Variants in SLC26A9 observed in about 807,000 individuals in gnomAD.
The protein encoded by SLC26A9 is anion transporter/exchanger protein 9.
SLC26A9 carries 46 observed loss-of-function variants against 87.1 expected under a neutral mutation model. The ratio of observed to expected loss-of-function variants is 0.53; its 90% CI spans 0.42 to 0.67. The LOEUF is 0.67. Ranked by LOEUF, SLC26A9 falls within the 30% of genes least tolerant of loss-of-function variation. SLC26A9 has a pLI of 0.00. For synonymous variants in SLC26A9, 437 were observed against 409.1 expected, an observed-to-expected ratio of 1.07 and a Z score of -0.82; for missense variants, 927 against 1,018.3, an observed-to-expected ratio of 0.91 and a Z score of 1.22.
rs1339569233 is a variant in SLC26A9 at position 205,920,185 on chromosome 1, T to A, written c.2101A>T (p.Asn701Tyr). Residue 701 changes from asparagine to tyrosine, a missense_variant, in exon 18 of 21, where the codon AAC becomes TAC. Asn to Tyr is a moderately radical substitution (Grantham distance 143, BLOSUM62 -2). Transcript: ENST00000367135. ...GTCCTCTTTCTCTTACCATGGATGT[T>A]CACCAAGAAGACCTTCACGCCGATC... is the stretch of plus-strand genomic sequence containing the variant. ...GKIGVKVFLV[N>Y]IHAQVYNDIS... The A allele has an allele frequency of 8.1e-6, 13 of 1,613,910 alleles. No homozygotes were observed. Among genetic ancestry groups the A allele is most frequent in the Admixed American group, 6.7e-5 (4 of 59,996 alleles).
At chr1:205,927,344 T>A in intron 10 of SLC26A9, 56 bp from the exon 11 acceptor site, 1 of 1,600,722 alleles carries the variant, frequency 6.2e-7, no homozygotes, top group Non-Finnish European at 8.6e-7. Flanking sequence ...TGCTCTTGAT[T>A]TACTTCCAAT....
chr1:205,943,093 C>A (rs887883977), intron 1 of SLC26A9, among the ~76,000 whole-genome samples: 1 of 152,202 alleles, frequency 6.6e-6, no homozygotes, highest in African/African-American at 2.4e-5. Context: ...GTTTCGGGGT[C>A]TGGCGACCAC....
At chr1:205,928,718 C>T in intron 8 of SLC26A9, 109 bp downstream of exon 8, 1 of 1,007,726 alleles carries the variant, frequency 9.9e-7, no homozygotes, top group Non-Finnish European at 1.5e-6. Context: ...CAGTGTCATA[C>T]AGTTTCGACT....
At chr1:205,915,802 G>A (rs1316165518) in intron 20 of SLC26A9, among the ~76,000 whole-genome samples, 1 of 152,120 alleles carries the variant, frequency 6.6e-6, no homozygotes, top group Non-Finnish European at 1.5e-5. Context: ...GGAATGTGCT[G>A]GAGATTCCAA....
In SLC26A9 at chr1:205,918,975, G is replaced by A; in HGVS notation, c.2121C>T (p.Tyr707=). ...VFLVNIHAQV[Y]NDISHGGVFE... ...AGACGCCTCCATGGCTAATGTCATTGTACACCTGGGCTAGAAGGAGAAAAG... is the reference window on the plus strand; with the variant it reads ...AGACGCCTCCATGGCTAATGTCATTATACACCTGGGCTAGAAGGAGAAAAG... The change falls in exon 19 of 21, where the codon TAC becomes TAT. Residue 707 remains tyrosine, a synonymous_variant. Transcript: ENST00000367135. 6.2e-7 allele frequency: 1 copy of A among 1,614,130 alleles called. No individual in the cohort carries two copies. The highest frequency in any genetic ancestry group is 8.5e-7 in the Non-Finnish European group (1 of 1,179,960).
rs140636537 is a variant in SLC26A9 at position 205,926,870 on chromosome 1, G to A, written c.1294-240C>T. Among the ~76,000 whole-genome samples the A allele has an allele frequency of 1.4e-3, 219 of 152,294 alleles. 2 individuals carry two copies. In the South Asian group the frequency reaches 0.015, roughly 10 times the overall value. On this transcript the variant is annotated intron_variant, in intron 11 of 20. Transcript: ENST00000367135. ...CTTCCCTCATCTCTAAATGACGCAT[G>A]CCTAGAGCCCTCCTAGCTGGGCTAT... is the stretch of plus-strand genomic sequence containing the variant.
chr1:205,914,995 T>G lies in SLC26A9; in HGVS notation c.*362A>C. On this transcript the variant is annotated 3_prime_UTR_variant, in exon 21 of 21. Coordinates refer to ENST00000367135, the MANE Select transcript of SLC26A9 (RefSeq NM_052934.4). The stretch of plus-strand genomic sequence containing the variant: ...GCCAGCACAGTTGTACTTGTCCTTC[T>G]GTTTTTGGCTCACTCGTAAAAGCTG... 1.2e-6 allele frequency: 2 copies of G among 1,614,218 alleles called. No homozygotes were observed. Among genetic ancestry groups the G allele is most frequent in the South Asian group, 1.1e-5 (1 of 91,086 alleles).
At position 205,929,985 on chromosome 1, in the gene SLC26A9, C is replaced by T. The variant is rs1659240974; in HGVS notation, c.624G>A (p.Met208Ile). 1 of 1,613,796 alleles carries T rather than the reference C, an allele frequency of 6.2e-7. No individual in the cohort carries two copies. The highest frequency in any genetic ancestry group is 8.5e-7 in the Non-Finnish European group (1 of 1,179,834). Residue 208 changes from methionine to isoleucine, a missense_variant, in exon 6 of 21, where the codon ATG becomes ATA. By Grantham distance (10) the Met-to-Ile change is conservative (BLOSUM62 1). Transcript: ENST00000367135. Reference protein sequence around the residue: ...YLSESFIRGFMTAAGLQILIS... With the variant: ...YLSESFIRGFITAAGLQILIS... The stretch of plus-strand genomic sequence containing the variant: ...TCAGGATCTGCAGGCCGGCGGCCGT[C>T]ATGAAGCCCCGGATGAAGGACTCGG...
intron 19 of SLC26A9, among the ~76,000 whole-genome samples, chr1:205,917,754 T>C (rs1658656001): frequency 6.6e-6 from 1 of 152,208 alleles, no homozygotes; most frequent in Non-Finnish European, 1.5e-5. Flanking sequence ...TGTGTGTTTA[T>C]GTGTGTGATT....
chr1:205,925,509 T>C (rs1659030199), intron 12 of SLC26A9, among the ~76,000 whole-genome samples: 1 of 152,192 alleles, frequency 6.6e-6, no homozygotes, highest in Non-Finnish European at 1.5e-5. Context: ...TGGGTTATGG[T>C]CAAAGCAGAT....
At chr1:205,930,211 T>C in intron 5 of SLC26A9, 155 bp from the exon 6 acceptor site, 1 of 714,828 alleles carries the variant, frequency 1.4e-6, no homozygotes, top group Non-Finnish European at 2.1e-6. Flanking sequence ...TCACCTGCCC[T>C]TCACTGTGCT....
rs908623194 is a variant in SLC26A9, at chr1:205,921,643, C to T, written c.1978G>A (p.Val660Ile). 17 of 1,609,432 alleles carry T rather than the reference C, an allele frequency of 1.1e-5. No individual in the cohort carries two copies. The highest frequency in any genetic ancestry group is 8.4e-5 in the Admixed American group (5 of 59,528). Residue 660 changes from valine (V) to isoleucine (I), a missense_variant, in exon 17 of 21, where the codon GTC becomes ATC. Physicochemically the swap from Val to Ile is conservative, Grantham distance 29. Transcript: ENST00000367135. ...SDMLASVPPF[V>I]TFHTLILDMS... ...TCCAGGATGAGGGTGTGGAAGGTGACGAAGGGTGGGACGCTGGCCAGCATG... is the reference window on the plus strand; with the variant it reads ...TCCAGGATGAGGGTGTGGAAGGTGATGAAGGGTGGGACGCTGGCCAGCATG...
Position 205,930,133 on chromosome 1 carries a change from C to T in SLC26A9, c.553-77G>A, listed in dbSNP as rs1229817083. 2.0e-5 allele frequency: 29 copies of T among 1,478,204 alleles called. No individual in the cohort carries two copies. In the East Asian group the frequency reaches 3.4e-4, roughly 17 times the overall value. The allele number at this position is 1,478,204 out of a possible 1,614,324, so 91.6% of individuals were successfully genotyped here. A position where few individuals can be genotyped will look rare whatever the true frequency, so the allele number is the denominator to read the frequency against. Reference sequence around the variant, plus strand: ...GTTCCAACGACCCGCCCCACACACACGCAGGTCTGGAGCTCCGTGCAGTCC... The same window carrying T: ...GTTCCAACGACCCGCCCCACACACATGCAGGTCTGGAGCTCCGTGCAGTCC... On this transcript the variant is annotated intron_variant, in intron 5 of 20. Coordinates refer to ENST00000367135, the MANE Select transcript of SLC26A9 (RefSeq NM_052934.4).
chr1:205,923,086 G>GT lies in SLC26A9; in HGVS notation c.1768dup (p.Thr590AsnfsTer14). The GT allele has an allele frequency of 6.2e-7, 1 of 1,613,882 alleles. No homozygotes were observed. Among genetic ancestry groups the GT allele is most frequent in the Non-Finnish European group, 8.5e-7 (1 of 1,179,882 alleles). Reference sequence around the variant, plus strand: ...CTGCTTCTGGCCTTCATTCACCTTGGTTTTCATGAATAGAGACCTCCTCTG... The same window carrying GT: ...CTGCTTCTGGCCTTCATTCACCTTGGTTTTTCATGAATAGAGACCTCCTCTG... On this transcript the variant is annotated frameshift_variant, in exon 16 of 21. Transcript: ENST00000367135. LOFTEE classifies it high-confidence loss of function.
In SLC26A9 at chr1:205,913,488, A is replaced by T. The variant is rs925115191; in HGVS notation, c.*1869T>A. 1 of 152,622 alleles carries T rather than the reference A, an allele frequency of 6.6e-6. No individual in the cohort carries two copies. The highest frequency in any genetic ancestry group is 2.1e-4 in the South Asian group (1 of 4,824). 9.5% of individuals were successfully genotyped at this position (152,622 alleles called of 1,614,324 possible). ...TTACTTGGGGGTTAAGGATCACTTC[A>T]TCAAGTCCTCAGGGGATCTAGATAC... On this transcript the variant is annotated 3_prime_UTR_variant, in exon 21 of 21. Coordinates refer to ENST00000367135, the MANE Select transcript of SLC26A9 (RefSeq NM_052934.4).
In SLC26A9 at chr1:205,921,799, TG is replaced by T; in HGVS notation, c.1821del (p.Thr608ProfsTer62). 1 of 1,606,038 alleles carries T rather than the reference TG, an allele frequency of 6.2e-7. No homozygotes were observed. Among genetic ancestry groups the T allele is most frequent in the Admixed American group, 1.7e-5 (1 of 59,004 alleles). On this transcript the variant is annotated frameshift_variant, in exon 17 of 21. Transcript: ENST00000367135. LOFTEE classifies it high-confidence loss of function. ...GGGGTCTGGTTGTTGTTGGGGTCGG[TG>T]GGGGGCGCATTCTCAAAGTCCTGCT... is the stretch of plus-strand genomic sequence containing the variant. Reference protein sequence around the residue: ...ELQQDFENAPPTDPNNNQTPA... With the variant: ...ELQQDFENAPXTDPNNNQTPA...
intron 1 of SLC26A9, among the ~76,000 whole-genome samples, chr1:205,938,120 A>G (rs1659593716): frequency 6.6e-6 from 1 of 150,660 alleles, no homozygotes; most frequent in Admixed American, 6.6e-5. Flanking sequence ...CCCCGTCCCC[A>G]GGATTTCCCC....
At chr1:205,924,524 G>A (rs773893887) in intron 12 of SLC26A9, 35 bp from the exon 13 acceptor site, 1 of 1,599,600 alleles carries the variant, frequency 6.3e-7, no homozygotes, top group East Asian at 2.2e-5. Context: ...CAGACCTGGG[G>A]AAAAAACAAC....
At position 205,915,205 on chromosome 1, in the gene SLC26A9, G is replaced by C. The variant is rs1658532231; in HGVS notation, c.*152C>G. 5 of 1,609,220 alleles carry C rather than the reference G, an allele frequency of 3.1e-6. No homozygotes were observed. The highest frequency in any genetic ancestry group is 4.2e-6 in the Non-Finnish European group (5 of 1,176,860). ...CTCTCTGGAGATGCGGGGAGGGAAG[G>C]AAGGGAGGAGAGAGGGGGAGAGGAG... On this transcript the variant is annotated 3_prime_UTR_variant, in exon 21 of 21. Coordinates refer to ENST00000367135, the MANE Select transcript of SLC26A9 (RefSeq NM_052934.4).
Sources: gnomAD v4.1 joint callset for allele counts (sites outside exome capture counted in the v4.1 genomes callset) on GRCh38, gnomAD v4.1.1 for gene constraint, MANE v1.5 for transcripts, NCBI Gene and HGNC (gene_info 2026-07-23, HGNC 2026-07-21) for gene names.